Variants in KLC1 observed in about 807,000 individuals in gnomAD.
KLC1 encodes the protein kinesin light chain 1.
In KLC1, 30 loss-of-function variants were observed where a neutral mutation model predicts 84.2. The observed-to-expected ratio is 0.36, with a 90% CI of 0.27 to 0.48. The LOEUF (loss-of-function observed/expected upper bound fraction) is 0.48, where lower values mean the gene tolerates loss of function less well. Among genes scored for constraint, KLC1 ranks in the 20% least tolerant of loss-of-function variants. The probability of loss-of-function intolerance (pLI) is 0.99; values close to 1 mark genes in which losing one functional copy is unlikely to be tolerated. For synonymous variants in KLC1, 289 were observed against 293.3 expected (o/e 0.99, Z 0.15); for missense variants, 499 against 805.4 (o/e 0.62, Z 4.60).
chr14:103,659,587 T>C (rs2079116614), intron 3 of KLC1, among the ~76,000 whole-genome samples: 1 of 152,206 alleles, frequency 6.6e-6, no homozygotes, highest in Non-Finnish European at 1.5e-5. Flanking sequence ...GTGTTCCACA[T>C]TGCATTTGGA....
At position 103,701,313 on chromosome 14, in the gene KLC1, C is replaced by T. The variant is rs1019508599; in HGVS notation, c.*114C>T. Reference sequence around the variant, plus strand: ...CTGGCCGGGAGCCGCAGCGCTCACTCATTTCTCCTGCGTCTGTGTGCATAG... The same window carrying T: ...CTGGCCGGGAGCCGCAGCGCTCACTTATTTCTCCTGCGTCTGTGTGCATAG... On this transcript the variant is annotated 3_prime_UTR_variant, in exon 17 of 17. Transcript: ENST00000334553. The T allele has an allele frequency of 4.4e-6, 5 of 1,144,330 alleles. No homozygotes were observed. In the African/African-American group the frequency reaches 6.1e-5, roughly 14 times the overall value. 70.9% of individuals were successfully genotyped at this position (1,144,330 alleles called of 1,614,324 possible).
intron 1 of KLC1, among the ~76,000 whole-genome samples, chr14:103,637,486 C>T (rs8005818): frequency 2.6e-5 from 4 of 151,176 alleles, no homozygotes; most frequent in Admixed American, 6.6e-5. Context: ...GTCGAGATTG[C>T]GACACTGCAT....
chr14:103,685,192 T>C (rs2081684720), intron 13 of KLC1: 5 of 1,435,422 alleles, frequency 3.5e-6, no homozygotes, highest in Non-Finnish European at 4.6e-6. Context: ...CTGTAGACTT[T>C]TAAAGTCCGT....
chr14:103,693,108 C>T lies in KLC1; in HGVS notation c.1848+683C>T, dbSNP rs559696108. On this transcript the variant is annotated intron_variant, in intron 15 of 16. Coordinates refer to ENST00000334553, the MANE Select transcript of KLC1 (RefSeq NM_001394837.1). The surrounding 1 kb of genome is among the most constrained non-coding windows in gnomAD (Gnocchi z 5.1). The stretch of plus-strand genomic sequence containing the variant: ...GCTCGAGCTGTTGGGACTTGGCAGT[C>T]CCTGCCCCTGTGCTGGTGCTGAGAG... Among the ~76,000 whole-genome samples the T allele has an allele frequency of 4.4e-3, 672 of 152,358 alleles. 2 individuals carry two copies. Among genetic ancestry groups the T allele is most frequent in the Non-Finnish European group, 7.1e-3 (485 of 68,036 alleles).
At chr14:103,654,888 G>T in intron 2 of KLC1, 63 bp downstream of exon 2, 1 of 1,519,398 alleles carries the variant, frequency 6.6e-7, no homozygotes, top group South Asian at 1.2e-5. Flanking sequence ...AGACTTGTTT[G>T]AAATAAGCAG....
At chr14:103,669,966 C>T (rs1457134111) in intron 6 of KLC1, among the ~76,000 whole-genome samples, 4 of 152,032 alleles carry the variant, frequency 2.6e-5, no homozygotes, top group Non-Finnish European at 2.9e-5. Flanking sequence ...GTCAGGAATA[C>T]GTTGTTGATT....
intron 1 of KLC1, among the ~76,000 whole-genome samples, chr14:103,654,132 TTTC>T (rs1470181299): frequency 6.6e-6 from 1 of 152,094 alleles, no homozygotes; most frequent in Non-Finnish European, 1.5e-5. Context: ...CTGGTTTTTC[TTTC>T]TTCTTCCAGC....
intron 12 of KLC1, 183 bp from the exon 13 acceptor site, chr14:103,679,201 C>T (rs2151756830): frequency 2.9e-6 from 2 of 700,610 alleles, no homozygotes; most frequent in East Asian, 5.4e-5. Flanking sequence ...TCTGAGGGGT[C>T]CTTTGTGTTT....
chr14:103,643,017 C>G (rs2077610016), intron 1 of KLC1, among the ~76,000 whole-genome samples: 1 of 152,144 alleles, frequency 6.6e-6, no homozygotes, highest in African/African-American at 2.4e-5. Context: ...GTAATCCACC[C>G]ACCATGGCCT....
chr14:103,662,054 T>G (rs2079341311), intron 3 of KLC1, 62 bp from the exon 4 acceptor site: 1 of 1,103,618 alleles, frequency 9.1e-7, no homozygotes, highest in Admixed American at 1.9e-5. Context: ...TATTAAAAAT[T>G]TTCAGGACAG....
At chr14:103,696,921 C>G in intron 15 of KLC1, 3 of 985,322 alleles carry the variant, frequency 3.0e-6, no homozygotes, top group Non-Finnish European at 3.6e-6. Flanking sequence ...TCTGCAGACT[C>G]CTGTGGTGGG....
rs896808069 is a variant in KLC1, at chr14:103,654,984, T to C, written c.261+159T>C. ...GCTCAGGCCTGTAATCCAAGCACTT[T>C]GGGAGGCTGAGGCAGGTGGATCACT... On this transcript the variant is annotated intron_variant, in intron 2 of 16. Coordinates refer to ENST00000334553, the MANE Select transcript of KLC1 (RefSeq NM_001394837.1). 8.1e-5 allele frequency: 64 copies of C among 790,822 alleles called. 1 individual carries two copies. The Admixed American group carries it at 8.9e-4, about 11-fold the overall frequency. The allele number at this position is 790,822 out of a possible 1,614,324, so 49.0% of individuals were successfully genotyped here. A position where few individuals can be genotyped will look rare whatever the true frequency, so the allele number is the denominator to read the frequency against.
At chr14:103,662,469 T>A (rs1188972195) in intron 4 of KLC1, among the ~76,000 whole-genome samples, 1 of 151,940 alleles carries the variant, frequency 6.6e-6, no homozygotes, top group Admixed American at 6.6e-5. Context: ...TTATCCTGCT[T>A]GTTTCATGGC....
intron 13 of KLC1, chr14:103,685,810 G>C: frequency 8.3e-7 from 1 of 1,205,694 alleles, no homozygotes; most frequent in Non-Finnish European, 1.1e-6. Context: ...CTTTTTGGGG[G>C]GGTTCCTGAT....
At chr14:103,679,661 T>G (rs2081197141) in intron 13 of KLC1, 116 bp downstream of exon 13, 1 of 713,640 alleles carries the variant, frequency 1.4e-6, no homozygotes, top group African/African-American at 1.8e-5. Flanking sequence ...TAAGTGCCAA[T>G]TAAGCTTTCT....
rs373450334 is a variant in KLC1, at chr14:103,670,300, C to T, written c.987+17C>T. 20 of 1,550,828 alleles carry T rather than the reference C, an allele frequency of 1.3e-5. No individual in the cohort carries two copies. The African/African-American group carries it at 2.8e-4, about 21-fold the overall frequency. The stretch of plus-strand genomic sequence containing the variant: ...CGAGAAAAGGTACAAAAGAAGGGGG[C>T]AGTCGTTTTCTTTGAGATTTTTGTT... On this transcript the variant is annotated intron_variant, in intron 7 of 16. Coordinates refer to ENST00000334553, the MANE Select transcript of KLC1 (RefSeq NM_001394837.1).
intron 13 of KLC1, among the ~76,000 whole-genome samples, chr14:103,680,173 T>G (rs2081233194): frequency 6.6e-6 from 1 of 152,192 alleles, no homozygotes; most frequent in Non-Finnish European, 1.5e-5. Context: ...TTTTACTGGT[T>G]TGCCCCTGGA....
intron 5 of KLC1, among the ~76,000 whole-genome samples, chr14:103,668,818 C>G (rs982985393): frequency 2.0e-5 from 3 of 151,038 alleles, no homozygotes; most frequent in Non-Finnish European, 4.4e-5. Context: ...CACTCTGTCG[C>G]CTAGGCTGGA....
chr14:103,673,070 G>C lies in KLC1; in HGVS notation c.1044G>C (p.Leu348=). ...AGCAGTTAAATAACTTGGCCTTACT[G>C]TGCCAGAACCAGGGCAAGTATGAAG... ...VAKQLNNLAL[L]CQNQGKYEEV... The change falls in exon 8 of 17, where the codon CTG becomes CTC. Residue 348 remains leucine (L), a synonymous_variant. Coordinates refer to ENST00000334553, the MANE Select transcript of KLC1 (RefSeq NM_001394837.1). The C allele has an allele frequency of 6.2e-7, 1 of 1,613,976 alleles. No individual in the cohort carries two copies. The highest frequency in any genetic ancestry group is 8.5e-7 in the Non-Finnish European group (1 of 1,180,008).
Sources: allele counts gnomAD v4.1 joint callset (sites outside exome capture counted in the v4.1 genomes callset), GRCh38; gene constraint gnomAD v4.1.1; non-coding constraint Gnocchi (gnomAD v3.1); transcripts MANE v1.5; gene names NCBI Gene and HGNC (gene_info 2026-07-23, HGNC 2026-07-21).